Variants in DDI2 observed in about 807,000 individuals in gnomAD.
The protein encoded by DDI2 is protein DDI1 homolog 2.
A neutral mutation model predicts 48.1 loss-of-function variants in DDI2; 5 were observed. That is an observed-to-expected ratio of 0.10 (90% CI 0.05 to 0.22). The LOEUF (loss-of-function observed/expected upper bound fraction) is 0.22, where lower values mean the gene tolerates loss of function less well. DDI2 is among the 10% of genes least tolerant of loss of function. DDI2 has a pLI of 1.00. For synonymous variants in DDI2, 205 were observed against 183.6 expected (o/e 1.12, Z -0.94); for missense variants, 285 against 506.2 (o/e 0.56, Z 4.19).
chr1:15,650,158 A>G lies in DDI2; in HGVS notation c.993+335A>G, dbSNP rs115036087. Among the ~76,000 whole-genome samples, 1,333 of 152,304 alleles carry G rather than the reference A, an allele frequency of 8.8e-3. 17 individuals carry two copies. The highest frequency in any genetic ancestry group is 0.029 in the African/African-American group (1,221 of 41,570). The stretch of plus-strand genomic sequence containing the variant: ...CCTGACTAAAAAGTGTGAGTCAAGT[A>G]AGTCTTTAGCATTCTCTGATGCTGA... On this transcript the variant is annotated intron_variant, in intron 7 of 9. Transcript: ENST00000480945.
chr1:15,628,161 T>C (rs1291290081), intron 2 of DDI2, among the ~76,000 whole-genome samples: 1 of 152,128 alleles, frequency 6.6e-6, no homozygotes, highest in African/African-American at 2.4e-5. Flanking sequence ...TTTTGAGAAT[T>C]ATTCTGAAGT....
At chr1:15,634,682 T>C (rs994343516) in intron 4 of DDI2, among the ~76,000 whole-genome samples, 1 of 151,570 alleles carries the variant, frequency 6.6e-6, no homozygotes, top group African/African-American at 2.4e-5. Flanking sequence ...CAGGCATCTG[T>C]CACCACGCCC....
rs1180726984 is a variant in DDI2, at chr1:15,634,537, A to ATTTTTTTTTTTTTT, written c.632+973_632+974insTTTTTTTTTTTTTT. Among the ~76,000 whole-genome samples, 6 of 38,530 alleles carry ATTTTTTTTTTTTTT rather than the reference A, an allele frequency of 1.6e-4. 1 individual carries two copies. Among genetic ancestry groups the ATTTTTTTTTTTTTT allele is most frequent in the Admixed American group, 8.0e-4 (4 of 5,008 alleles). 25.3% of individuals were successfully genotyped at this position (38,530 alleles called of 152,430 possible). The stretch of plus-strand genomic sequence containing the variant: ...CTTTTTTAAACTTCTTATTCTTTTT[A>ATTTTTTTTTTTTTT]TCTTTTTTTTTTTGAGACAAGGTCT... On this transcript the variant is annotated intron_variant, in intron 4 of 9. Coordinates refer to ENST00000480945, the MANE Select transcript of DDI2 (RefSeq NM_032341.5).
In DDI2 at chr1:15,660,928, G is replaced by A. The variant is rs1640363660; in HGVS notation, c.*1138G>A. 1.9e-6 allele frequency: 3 copies of A among 1,613,140 alleles called. No homozygotes were observed. Among genetic ancestry groups the A allele is most frequent in the Non-Finnish European group, 2.5e-6 (3 of 1,179,648 alleles). ...AGAAGAATCTTGCCCGTCTATAACG[G>A]CAGCCTTGAAAGAACTTCATGAACT... On this transcript the variant is annotated 3_prime_UTR_variant, in exon 10 of 10. Coordinates refer to ENST00000480945, the MANE Select transcript of DDI2 (RefSeq NM_032341.5).
rs1285388781 is a variant in DDI2 at position 15,661,518 on chromosome 1, A to G, written c.*1728A>G. 1.9e-6 allele frequency: 3 copies of G among 1,614,124 alleles called. No individual in the cohort carries two copies. Among genetic ancestry groups the G allele is most frequent in the Admixed American group, 3.3e-5 (2 of 60,012 alleles). On this transcript the variant is annotated 3_prime_UTR_variant, in exon 10 of 10. Transcript: ENST00000480945. ...TCTGTCCTGATGCTTCGAGGCCATT[A>G]CTTGAATATGAACCACCTACCAGCC... is the stretch of plus-strand genomic sequence containing the variant.
At chr1:15,632,931 TAAAAA>T (rs766037022) in intron 3 of DDI2, among the ~76,000 whole-genome samples, 3,621 of 105,988 alleles carry the variant, frequency 0.034, 287 homozygotes, top group African/African-American at 0.13. Flanking sequence ...TTTTTTTTTT[TAAAAA>T]AAAAAAAACA....
rs1557626602 is a variant in DDI2 at position 15,661,645 on chromosome 1, G to A, written c.*1855G>A. ...CTTTACTTTGCAGGAAGCTCTTGGA[G>A]CTTTGCATCGAGTTGGTGGGAATGC... On this transcript the variant is annotated 3_prime_UTR_variant, in exon 10 of 10. Coordinates refer to ENST00000480945, the MANE Select transcript of DDI2 (RefSeq NM_032341.5). The A allele has an allele frequency of 6.2e-7, 1 of 1,614,158 alleles. No individual in the cohort carries two copies. Among genetic ancestry groups the A allele is most frequent in the South Asian group, 1.1e-5 (1 of 91,036 alleles).
intron 1 of DDI2, among the ~76,000 whole-genome samples, chr1:15,618,415 TAA>T (rs1639600703): frequency 6.6e-6 from 1 of 152,216 alleles, no homozygotes; most frequent in African/African-American, 2.4e-5. Flanking sequence ...CGTTTCTGGT[TAA>T]ATTCTTTTGA....
In DDI2 at chr1:15,651,132, C is replaced by T. The variant is rs573083138; in HGVS notation, c.994-574C>T. Among the ~76,000 whole-genome samples the T allele has an allele frequency of 4.6e-5, 7 of 152,276 alleles. No individual in the cohort carries two copies. The East Asian group carries it at 9.7e-4, about 21-fold the overall frequency. Reference sequence around the variant, plus strand: ...CCTCCCAAAGTGCCGGGATTACAGGCGTGAGCCACCACGCCCGGCTCACAG... The same window carrying T: ...CCTCCCAAAGTGCCGGGATTACAGGTGTGAGCCACCACGCCCGGCTCACAG... On this transcript the variant is annotated intron_variant, in intron 7 of 9. Coordinates refer to ENST00000480945, the MANE Select transcript of DDI2 (RefSeq NM_032341.5).
At chr1:15,636,324 C>T (rs914179905) in intron 4 of DDI2, among the ~76,000 whole-genome samples, 6 of 152,054 alleles carry the variant, frequency 3.9e-5, no homozygotes, top group Non-Finnish European at 7.4e-5. Context: ...GACGAGGTTT[C>T]GCCGTGTTGC....
chr1:15,626,684 A>C lies in DDI2; in HGVS notation c.154A>C (p.Arg52=). ...CTTGTTGTAGATCGTCTATGCGGAA[A>C]GACCTCTCACAGACAACCACAGATC... ...AAESQIVYAE[R]PLTDNHRSLA... is the part of the protein sequence containing the mutation. Residue 52 remains arginine (R), a synonymous_variant, in exon 2 of 10, where the codon AGA becomes CGA. Coordinates refer to ENST00000480945, the MANE Select transcript of DDI2 (RefSeq NM_032341.5). The C allele has an allele frequency of 6.2e-7, 1 of 1,614,152 alleles. No homozygotes were observed. The highest frequency in any genetic ancestry group is 8.5e-7 in the Non-Finnish European group (1 of 1,180,016).
At chr1:15,621,151 G>T (rs1313840733) in intron 1 of DDI2, among the ~76,000 whole-genome samples, 1 of 152,134 alleles carries the variant, frequency 6.6e-6, no homozygotes, top group African/African-American at 2.4e-5. Flanking sequence ...TCATGGCTCT[G>T]TTTGATGCTT....
In DDI2 at chr1:15,660,554, G is replaced by A; in HGVS notation, c.*764G>A. The A allele has an allele frequency of 6.2e-7, 1 of 1,613,292 alleles. No individual in the cohort carries two copies. The highest frequency in any genetic ancestry group is 2.2e-5 in the East Asian group (1 of 44,888). On this transcript the variant is annotated 3_prime_UTR_variant, in exon 10 of 10. Transcript: ENST00000480945. ...CTCCCACAGAATGTGGATCCTCCAA[G>A]TGCGAAGAAAAGTATTCCATCTTCA...
chr1:15,629,726 A>T (rs1218871487), intron 2 of DDI2, among the ~76,000 whole-genome samples: 3 of 142,422 alleles, frequency 2.1e-5, no homozygotes, highest in Non-Finnish European at 4.6e-5. Flanking sequence ...ACTAGCTTTA[A>T]TTTTTTTTTT....
chr1:15,617,473 C>G lies in DDI2; in HGVS notation c.-198C>G. On this transcript the variant is annotated 5_prime_UTR_variant, in exon 1 of 10. Coordinates refer to ENST00000480945, the MANE Select transcript of DDI2 (RefSeq NM_032341.5). ...GCCGGCAGGCAGACGGACTCGCAGG[C>G]GTGTGGCGGCGGCCGTGCTTGCTAG... 2 of 347,492 alleles carry G rather than the reference C, an allele frequency of 5.8e-6. No homozygotes were observed. The highest frequency in any genetic ancestry group is 1.0e-5 in the Non-Finnish European group (2 of 199,054). The allele number at this position is 347,492 out of a possible 1,614,324, so 21.5% of individuals were successfully genotyped here.
chr1:15,630,385 G>A lies in DDI2; in HGVS notation c.329G>A (p.Arg110His), dbSNP rs148633078. The A allele has an allele frequency of 4.3e-4, 690 of 1,614,046 alleles. 1 individual carries two copies. The highest frequency in any genetic ancestry group is 5.7e-4 in the Non-Finnish European group (669 of 1,180,036). The change falls in exon 3 of 10, where the codon CGC becomes CAC. Residue 110 changes from arginine (R) to histidine (H), a missense_variant. This residue lies in a region of DDI2 where 149 missense variants were observed against 236.5 expected (regional missense o/e 0.63). Transcript: ENST00000480945. ...CCTGGCACATCAAGTCCCCGGCAGCGCCAGCCACCAGGAACACAGCAGTCC... is the reference window on the plus strand; with the variant it reads ...CCTGGCACATCAAGTCCCCGGCAGCACCAGCCACCAGGAACACAGCAGTCC... ...AVPGTSSPRQ[R>H]QPPGTQQSHS... is the part of the protein sequence containing the mutation.
At chr1:15,630,671 T>C in intron 3 of DDI2, 110 bp downstream of exon 3, 1 of 775,280 alleles carries the variant, frequency 1.3e-6, no homozygotes, top group Non-Finnish European at 2.2e-6. Flanking sequence ...TTATTGAACA[T>C]ACCAGTTTTT....
At position 15,666,235 on chromosome 1, in the gene DDI2, G is replaced by A. The variant is rs1640450852; in HGVS notation, c.*6445G>A. ...GAGTTCACTGAATGAACTTAGGAGTGAACCTTCGATGTGCTTGATTTTCTT... is the reference window on the plus strand; with the variant it reads ...GAGTTCACTGAATGAACTTAGGAGTAAACCTTCGATGTGCTTGATTTTCTT... On this transcript the variant is annotated 3_prime_UTR_variant, in exon 10 of 10. Coordinates refer to ENST00000480945, the MANE Select transcript of DDI2 (RefSeq NM_032341.5). The A allele has an allele frequency of 6.6e-6, 1 of 152,182 alleles. No individual in the cohort carries two copies. The highest frequency in any genetic ancestry group is 6.5e-5 in the Admixed American group (1 of 15,282). The allele number at this position is 152,182 out of a possible 1,614,324, so 9.4% of individuals were successfully genotyped here.
At chr1:15,629,343 C>G (rs1006356349) in intron 2 of DDI2, among the ~76,000 whole-genome samples, 3 of 152,144 alleles carry the variant, frequency 2.0e-5, no homozygotes, top group African/African-American at 7.2e-5. Context: ...CACTTATAAT[C>G]CCAGCACTTT....
Sources: allele counts gnomAD v4.1 joint callset (sites outside exome capture counted in the v4.1 genomes callset), GRCh38; gene constraint gnomAD v4.1.1; regional missense constraint gnomAD v4.1.1; transcripts MANE v1.5; gene names NCBI Gene and HGNC (gene_info 2026-07-23, HGNC 2026-07-21).